The following GPHN variants were observed in gnomAD, a reference collection of about 807,000 sequenced individuals.
The protein encoded by GPHN is gephyrin.
In GPHN, 17 loss-of-function variants were observed where a neutral mutation model predicts 95.5. The observed-to-expected ratio is 0.18, with a 90% CI of 0.12 to 0.27. The LOEUF is 0.27. Ranked by LOEUF, GPHN falls within the 10% of genes least tolerant of loss-of-function variation. The probability of loss-of-function intolerance (pLI) is 1.00; values close to 1 mark genes in which losing one functional copy is unlikely to be tolerated. For synonymous variants in GPHN, 320 were observed against 322.5 expected (o/e 0.99, Z 0.08); for missense variants, 660 against 978.1 (o/e 0.67, Z 4.34).
At chr14:67,585,948 C>T in the GPHN span, 1 of 1,609,736 alleles carries the variant, frequency 6.2e-7, no homozygotes, top group Non-Finnish European at 8.5e-7. Flanking sequence ...TTCCTTTCCA[C>T]AGCAAGTGCA....
At chr14:67,204,375 G>T in the GPHN span, 1 of 621,886 alleles carries the variant, frequency 1.6e-6, no homozygotes, top group Admixed American at 6.3e-5. Flanking sequence ...GGAAGTCGAG[G>T]CTGCAGTGAG....
rs111467418 is a variant in GPHN at position 66,943,223 on chromosome 14, T to C, written c.828+18931T>C. Among the ~76,000 whole-genome samples, 13 of 152,366 alleles carry C rather than the reference T, an allele frequency of 8.5e-5. 2 individuals carry two copies. The highest frequency in any genetic ancestry group is 3.1e-4 in the African/African-American group (13 of 41,588). On this transcript the variant is annotated intron_variant, in intron 8 of 22. Coordinates refer to ENST00000478722, the MANE Select transcript of GPHN (RefSeq NM_020806.5). ...GCAAGAATTTACATTTTTATGCCTTTTTTATAATCTTTTACTAAAAACACA... is the reference window on the plus strand; with the variant it reads ...GCAAGAATTTACATTTTTATGCCTTCTTTATAATCTTTTACTAAAAACACA...
At chr14:67,598,043 A>G in the GPHN span, among the ~76,000 whole-genome samples, 1 of 152,294 alleles carries the variant, frequency 6.6e-6, no homozygotes. Context: ...TACTATCTGC[A>G]TTTTTTTCAA....
chr14:67,639,951 T>G, the GPHN span, among the ~76,000 whole-genome samples: 5 of 122,286 alleles, frequency 4.1e-5, no homozygotes, highest in Admixed American at 8.8e-5. Flanking sequence ...AAAAAAAAAG[T>G]CTGTGCAGTC....
chr14:66,819,739 G>T (rs893794846), intron 3 of GPHN, among the ~76,000 whole-genome samples: 1 of 151,768 alleles, frequency 6.6e-6, no homozygotes, highest in African/African-American at 2.4e-5. Context: ...ATGTAAAAAG[G>T]CAGTAAAAAA....
chr14:67,556,781 C>T, the GPHN span, among the ~76,000 whole-genome samples: 1 of 152,328 alleles, frequency 6.6e-6, no homozygotes, highest in African/African-American at 2.4e-5. Flanking sequence ...AGAAATGATG[C>T]ACCATTTCCA....
At chr14:66,707,980 TATTAGCTATAGTCACCCTATAA>T (rs2069252106) in intron 2 of GPHN, among the ~76,000 whole-genome samples, 1 of 152,170 alleles carries the variant, frequency 6.6e-6, no homozygotes. Context: ...ATTGCATTCT[TATTAGCTATAGTCACCCTATAA>T]AGTTTCAAAA....
chr14:66,775,406 G>C (rs902354953), intron 2 of GPHN, among the ~76,000 whole-genome samples: 3 of 152,046 alleles, frequency 2.0e-5, no homozygotes, highest in African/African-American at 7.2e-5. Context: ...TGTGCTGGGG[G>C]CCACAACCCT....
At chr14:66,524,990 T>A (rs745440703) in intron 1 of GPHN, among the ~76,000 whole-genome samples, 11 of 152,196 alleles carry the variant, frequency 7.2e-5, no homozygotes, top group Admixed American at 2.0e-4. Flanking sequence ...GTAGAATGAT[T>A]TATAATCCTT....
At chr14:66,949,897 C>T (rs898173145) in intron 8 of GPHN, among the ~76,000 whole-genome samples, 2 of 141,986 alleles carry the variant, frequency 1.4e-5, no homozygotes, top group African/African-American at 2.6e-5. Flanking sequence ...AAAGGGGAAA[C>T]AATATTTTGA....
chr14:66,737,287 G>C (rs1429269912), intron 2 of GPHN, among the ~76,000 whole-genome samples: 1 of 151,514 alleles, frequency 6.6e-6, no homozygotes, highest in Non-Finnish European at 1.5e-5. Flanking sequence ...AGTGAATGGA[G>C]TTCATTCCTT....
At chr14:67,392,581 C>A in the GPHN span, 1 of 1,355,848 alleles carries the variant, frequency 7.4e-7, no homozygotes, top group South Asian at 1.2e-5. Context: ...CCTCCCATGA[C>A]TGTGGCCCCC....
At chr14:67,032,690 A>G (rs768490928) in intron 10 of GPHN, among the ~76,000 whole-genome samples, 1 of 152,194 alleles carries the variant, frequency 6.6e-6, no homozygotes, top group Non-Finnish European at 1.5e-5. Context: ...GAAATTACAT[A>G]CACAGACCCA....
chr14:67,685,270 A>T, the GPHN span: 1 of 1,309,082 alleles, frequency 7.6e-7, no homozygotes, highest in Non-Finnish European at 1.1e-6. Flanking sequence ...CCCAAAACAG[A>T]AAAGGATGTA....
At chr14:66,544,176 G>A (rs2059450240) in intron 1 of GPHN, among the ~76,000 whole-genome samples, 1 of 152,054 alleles carries the variant, frequency 6.6e-6, no homozygotes, top group Admixed American at 6.6e-5. Flanking sequence ...TTCACCTTAG[G>A]ATTTGTGCAC....
chr14:66,956,342 TG>T (rs908929582), intron 8 of GPHN, among the ~76,000 whole-genome samples: 55 of 152,220 alleles, frequency 3.6e-4, no homozygotes, highest in African/African-American at 1.3e-3. Context: ...CTTTCACCAT[TG>T]GTTATTTAAA....
chr14:66,780,861 TG>T (rs1337852899), intron 3 of GPHN, among the ~76,000 whole-genome samples: 1 of 152,238 alleles, frequency 6.6e-6, no homozygotes, highest in East Asian at 1.9e-4. Context: ...TCATTTCAGT[TG>T]GGTAATATCT....
the GPHN span, among the ~76,000 whole-genome samples, chr14:67,639,669 C>G: frequency 6.6e-6 from 1 of 151,968 alleles, no homozygotes; most frequent in African/African-American, 2.4e-5. Context: ...GCCTGTAATC[C>G]CAGCACTTTG....
chr14:67,418,170 GTAT>G, the GPHN span, among the ~76,000 whole-genome samples: 3 of 152,144 alleles, frequency 2.0e-5, no homozygotes, highest in Non-Finnish European at 4.4e-5. Context: ...TTTGAATTAG[GTAT>G]TATTCCCATT....
Sources: gnomAD v4.1 joint callset for allele counts (sites outside exome capture counted in the v4.1 genomes callset) on GRCh38, gnomAD v4.1.1 for gene constraint, MANE v1.5 for transcripts, NCBI Gene and HGNC (gene_info 2026-07-23, HGNC 2026-07-21) for gene names.